The following ZMYND11 variants were observed in gnomAD, a reference collection of about 807,000 sequenced individuals.
The protein encoded by ZMYND11 is zinc finger MYND-type containing 11.
Under a neutral mutation model 84.9 loss-of-function variants are expected in ZMYND11, and 9 were observed. The observed-to-expected ratio is 0.11, with a 90% confidence interval of 0.06 to 0.18. ZMYND11 has a LOEUF of 0.18. Ranked by LOEUF, ZMYND11 falls within the 10% of genes least tolerant of loss-of-function variation. The pLI is 1.00. For synonymous variants in ZMYND11, 250 were observed against 244.1 expected (o/e 1.02, Z -0.23); for missense variants, 409 against 761.0 (o/e 0.54, Z 5.44).
chr10:154,420 A>G (rs9329277), intron 1 of ZMYND11, among the ~76,000 whole-genome samples: 141,571 of 152,218 alleles, frequency 0.93, 66,169 homozygotes, highest in Non-Finnish European at 0.98. Flanking sequence ...AGAAAAAAGC[A>G]AAAAACCTGG....
intron 1 of ZMYND11, among the ~76,000 whole-genome samples, chr10:140,158 T>C (rs1837179041): frequency 6.6e-6 from 1 of 152,184 alleles, no homozygotes; most frequent in African/African-American, 2.4e-5. Context: ...GAGATATTTT[T>C]TGAGACAGAA....
intron 6 of ZMYND11, among the ~76,000 whole-genome samples, chr10:238,196 G>A (rs1950292871): frequency 6.6e-6 from 1 of 152,212 alleles, no homozygotes; most frequent in South Asian, 2.1e-4. Context: ...GTAACAAATT[G>A]CAACAACATC....
At chr10:248,765 T>C in intron 13 of ZMYND11, 138 bp from the exon 14 acceptor site, 3 of 1,391,396 alleles carry the variant, frequency 2.2e-6, no homozygotes, top group Non-Finnish European at 1.9e-6. Flanking sequence ...AATGATACTT[T>C]CCTCACCTAA....
At position 137,683 on chromosome 10, in the gene ZMYND11, C is replaced by T. The variant is rs142849509; in HGVS notation, c.-20+2124C>T. Among the ~76,000 whole-genome samples the T allele has an allele frequency of 4.2e-3, 632 of 152,116 alleles. 3 individuals are homozygous for T. The highest frequency in any genetic ancestry group is 0.015 in the African/African-American group (610 of 41,494). On this transcript the variant is annotated intron_variant, in intron 1 of 14. Transcript: ENST00000381604. ...TGTAGTTTTTCTGAATGTCTTTTTACAAGCAGGAGAAAAAATATGAATGTC... is the reference window on the plus strand; with the variant it reads ...TGTAGTTTTTCTGAATGTCTTTTTATAAGCAGGAGAAAAAATATGAATGTC...
intron 6 of ZMYND11, among the ~76,000 whole-genome samples, chr10:239,048 C>T (rs1036719977): frequency 2.0e-5 from 3 of 152,192 alleles, no homozygotes; most frequent in Admixed American, 6.5e-5. Flanking sequence ...TTTTCAATCT[C>T]GATCCTCCTG....
At chr10:183,518 A>G (rs1848314764) in intron 2 of ZMYND11, among the ~76,000 whole-genome samples, 1 of 152,116 alleles carries the variant, frequency 6.6e-6, no homozygotes, top group Non-Finnish European at 1.5e-5. Flanking sequence ...GCCAAATGAT[A>G]ATCATCCAAT....
intron 1 of ZMYND11, among the ~76,000 whole-genome samples, chr10:168,509 T>C (rs1414022990): frequency 1.3e-5 from 2 of 152,082 alleles, no homozygotes; most frequent in African/African-American, 4.8e-5. Context: ...AGAAAAATCC[T>C]TCAGTGAATC....
chr10:183,565 G>T (rs1343726340), intron 2 of ZMYND11, among the ~76,000 whole-genome samples: 1 of 152,110 alleles, frequency 6.6e-6, no homozygotes, highest in African/African-American at 2.4e-5. Context: ...CTTCTATAAG[G>T]ACATAGCTTC....
chr10:157,832 C>G (rs1842056065), intron 1 of ZMYND11, among the ~76,000 whole-genome samples: 1 of 152,194 alleles, frequency 6.6e-6, no homozygotes, highest in African/African-American at 2.4e-5. Context: ...AGCATTTTCA[C>G]TACCCCAAAA....
intron 12 of ZMYND11, 93 bp from the exon 13 acceptor site, chr10:248,243 T>C: frequency 6.8e-7 from 1 of 1,468,634 alleles, no homozygotes; most frequent in Non-Finnish European, 9.2e-7. Flanking sequence ...GGCTATTATG[T>C]ATATCACTGA....
chr10:177,053 A>T (rs1309890921), intron 1 of ZMYND11, among the ~76,000 whole-genome samples: 1 of 152,134 alleles, frequency 6.6e-6, no homozygotes, highest in Non-Finnish European at 1.5e-5. Flanking sequence ...ATATCTAGTC[A>T]CATCACTAGT....
At chr10:166,399 C>T (rs1368937315) in intron 1 of ZMYND11, among the ~76,000 whole-genome samples, 1 of 151,872 alleles carries the variant, frequency 6.6e-6, no homozygotes, top group Non-Finnish European at 1.5e-5. Flanking sequence ...AACTCAACAG[C>T]AACAAAAAGA....
At chr10:224,141 C>T (rs545908049) in intron 4 of ZMYND11, among the ~76,000 whole-genome samples, 18 of 152,296 alleles carry the variant, frequency 1.2e-4, no homozygotes, top group Admixed American at 4.6e-4. Context: ...TTCACTCTTA[C>T]ATTCCTTTCT....
chr10:210,549 A>G (rs1462108657), intron 3 of ZMYND11, among the ~76,000 whole-genome samples: 2 of 152,242 alleles, frequency 1.3e-5, no homozygotes, highest in African/African-American at 4.8e-5. Flanking sequence ...TACGTTGACT[A>G]ATGACAATTG....
intron 1 of ZMYND11, among the ~76,000 whole-genome samples, chr10:168,691 A>G (rs1261393038): frequency 6.6e-6 from 1 of 152,136 alleles, no homozygotes; most frequent in African/African-American, 2.4e-5. Context: ...ATAATAAACA[A>G]AACTCTTTTA....
chr10:231,874 C>G (rs1249320728), intron 4 of ZMYND11, among the ~76,000 whole-genome samples: 1 of 152,212 alleles, frequency 6.6e-6, no homozygotes, highest in African/African-American at 2.4e-5. Flanking sequence ...CTTTTAAATA[C>G]AACAACTTTG....
intron 1 of ZMYND11, among the ~76,000 whole-genome samples, chr10:162,965 G>A (rs1310919256): frequency 2.0e-5 from 3 of 152,122 alleles, no homozygotes; most frequent in African/African-American, 7.2e-5. Flanking sequence ...GCCTTCTTCT[G>A]TGTTGAGTCC....
At chr10:149,470 C>G (rs1269260489) in intron 1 of ZMYND11, among the ~76,000 whole-genome samples, 2 of 151,972 alleles carry the variant, frequency 1.3e-5, no homozygotes, top group African/African-American at 2.4e-5. Flanking sequence ...ACCACCATGC[C>G]TGGCTAATTT....
intron 2 of ZMYND11, among the ~76,000 whole-genome samples, chr10:196,501 A>G (rs1941782082): frequency 6.6e-6 from 1 of 152,206 alleles, no homozygotes; most frequent in Non-Finnish European, 1.5e-5. Context: ...ACATGATATT[A>G]CAATTTTTAA....
Sources: gnomAD v4.1 joint callset for allele counts (sites outside exome capture counted in the v4.1 genomes callset) on GRCh38, gnomAD v4.1.1 for gene constraint, MANE v1.5 for transcripts, NCBI Gene and HGNC (gene_info 2026-07-23, HGNC 2026-07-21) for gene names.